DLG2: variants seen among roughly 807,000 people sequenced by gnomAD.
The protein encoded by DLG2 is disks large homolog 2.
In DLG2, 45 loss-of-function variants were observed where a neutral mutation model predicts 132.5. That is an observed-to-expected ratio of 0.34 (90% CI 0.27 to 0.44). The LOEUF (loss-of-function observed/expected upper bound fraction) is 0.44. DLG2 is among the 20% of genes least tolerant of loss of function. DLG2 has a pLI of 1.00. For synonymous variants in DLG2, 424 were observed against 419.6 expected, an observed-to-expected ratio of 1.01 and a Z score of -0.13; for missense variants, 1,045 against 1,196.9, an observed-to-expected ratio of 0.87 and a Z score of 1.87.
chr11:84,059,497 A>G lies in DLG2; in HGVS notation c.750-13T>C, dbSNP rs1264452782. The G allele has an allele frequency of 2.6e-6, 4 of 1,549,486 alleles. No homozygotes were observed. In the Admixed American group the frequency reaches 5.9e-5, roughly 23 times the overall value. On this transcript the variant is annotated splice_polypyrimidine_tract_variant and intron_variant, in intron 10 of 27. Transcript: ENST00000376104. ...ACAATCATTGACCCTGCAAGGAAGGAAAAGAGTCAAGATTCAGAAGTGGCT... is the reference window on the plus strand; with the variant it reads ...ACAATCATTGACCCTGCAAGGAAGGGAAAGAGTCAAGATTCAGAAGTGGCT...
chr11:84,743,620 A>C (rs1228359405), intron 6 of DLG2, among the ~76,000 whole-genome samples: 1 of 152,216 alleles, frequency 6.6e-6, no homozygotes, highest in Non-Finnish European at 1.5e-5. Context: ...AAGAGTTGAC[A>C]GTTAATATAT....
chr11:85,004,191 T>C (rs993297546), intron 6 of DLG2, among the ~76,000 whole-genome samples: 1 of 152,200 alleles, frequency 6.6e-6, no homozygotes, highest in African/African-American at 2.4e-5. Flanking sequence ...CATGTGCACG[T>C]GTCTTTATAA....
intron 6 of DLG2, among the ~76,000 whole-genome samples, chr11:84,656,485 G>T (rs1595017077): frequency 6.6e-6 from 1 of 152,140 alleles, no homozygotes; most frequent in East Asian, 1.9e-4. Flanking sequence ...TAGTGGAAGA[G>T]AAATATAAGT....
At chr11:85,468,999 T>C (rs1416497255) in intron 3 of DLG2, among the ~76,000 whole-genome samples, 2 of 152,208 alleles carry the variant, frequency 1.3e-5, no homozygotes, top group Admixed American at 6.5e-5. Flanking sequence ...GGTTTCACTC[T>C]TTCCTTTATT....
intron 17 of DLG2, among the ~76,000 whole-genome samples, chr11:83,823,975 A>G (rs1385848130): frequency 1.3e-5 from 2 of 152,212 alleles, no homozygotes; most frequent in Non-Finnish European, 2.9e-5. Flanking sequence ...GCATCGCAGA[A>G]AGAGCATAGC....
At chr11:84,541,681 G>T (rs1452504652) in intron 6 of DLG2, among the ~76,000 whole-genome samples, 2 of 152,102 alleles carry the variant, frequency 1.3e-5, no homozygotes, top group African/African-American at 4.8e-5. Context: ...CATAAAAAGA[G>T]ATCAGTAAAT....
At chr11:85,098,387 CTT>C (rs1203068535) in intron 6 of DLG2, among the ~76,000 whole-genome samples, 2 of 152,104 alleles carry the variant, frequency 1.3e-5, no homozygotes, top group African/African-American at 4.8e-5. Flanking sequence ...AGATGAGATT[CTT>C]TTTTTGGTTT....
At chr11:83,933,222 C>T (rs553727337) in intron 14 of DLG2, among the ~76,000 whole-genome samples, 1 of 152,174 alleles carries the variant, frequency 6.6e-6, no homozygotes, top group African/African-American at 2.4e-5. Context: ...CTTTTGGCAG[C>T]GTGAATCAGC....
intron 4 of DLG2, among the ~76,000 whole-genome samples, chr11:85,154,928 G>T (rs563853452): frequency 6.6e-6 from 1 of 152,316 alleles, no homozygotes; most frequent in South Asian, 2.1e-4. Flanking sequence ...GTAAATGGAT[G>T]ATCTGGTTAA....
chr11:84,437,400 C>A (rs1405286746), intron 7 of DLG2: 1 of 152,156 alleles, frequency 6.6e-6, no homozygotes, highest in Non-Finnish European at 1.5e-5. Context: ...TCTCTGATTT[C>A]GCCTTCCTGG....
intron 10 of DLG2, among the ~76,000 whole-genome samples, chr11:84,098,544 A>G (rs968535050): frequency 1.3e-5 from 2 of 152,176 alleles, no homozygotes; most frequent in Admixed American, 1.3e-4. Flanking sequence ...GAATACATAC[A>G]ATATCTACAA....
intron 6 of DLG2, among the ~76,000 whole-genome samples, chr11:84,995,323 G>A (rs981861646): frequency 3.3e-5 from 5 of 152,138 alleles, no homozygotes; most frequent in African/African-American, 7.2e-5. Context: ...TAGAATCCCA[G>A]CTCCACCACT....
chr11:84,354,155 A>G (rs2098597575), intron 7 of DLG2, among the ~76,000 whole-genome samples: 2 of 152,156 alleles, frequency 1.3e-5, no homozygotes, highest in African/African-American at 4.8e-5. Context: ...TTAAGTAAAT[A>G]TTTCCTTCTT....
At chr11:85,360,914 TGG>T (rs2084093529) in intron 3 of DLG2, among the ~76,000 whole-genome samples, 1 of 152,122 alleles carries the variant, frequency 6.6e-6, no homozygotes, top group African/African-American at 2.4e-5. Flanking sequence ...ATGACTACAG[TGG>T]TAATAATAGT....
chr11:83,527,771 C>T (rs1035245060), intron 21 of DLG2, among the ~76,000 whole-genome samples: 1 of 152,140 alleles, frequency 6.6e-6, no homozygotes, highest in Non-Finnish European at 1.5e-5. Flanking sequence ...ATAGCTCTCT[C>T]ATACTCTCTC....
chr11:84,638,768 T>C (rs1011324310), intron 6 of DLG2, among the ~76,000 whole-genome samples: 2 of 152,154 alleles, frequency 1.3e-5, no homozygotes, highest in Non-Finnish European at 2.9e-5. Context: ...TCAGAAATTA[T>C]TAGTTTGATT....
chr11:84,313,661 G>GA (rs2098323493), intron 7 of DLG2, among the ~76,000 whole-genome samples: 1 of 150,506 alleles, frequency 6.6e-6, no homozygotes, highest in East Asian at 1.9e-4. Flanking sequence ...AAGAAAGAAA[G>GA]AAAGAAAGAA....
intron 12 of DLG2, among the ~76,000 whole-genome samples, chr11:83,975,465 A>G (rs948659522): frequency 2.0e-5 from 3 of 152,068 alleles, no homozygotes; most frequent in South Asian, 2.1e-4. Flanking sequence ...GACCCATTAA[A>G]CATCAGAGTG....
At chr11:84,644,646 C>A (rs1403084397) in intron 6 of DLG2, among the ~76,000 whole-genome samples, 1 of 148,816 alleles carries the variant, frequency 6.7e-6, no homozygotes, top group Non-Finnish European at 1.5e-5. Flanking sequence ...GCGCAGCTTG[C>A]AGTGAGCTGA....
Sources: allele counts gnomAD v4.1 joint callset (sites outside exome capture counted in the v4.1 genomes callset), GRCh38; gene constraint gnomAD v4.1.1; transcripts MANE v1.5; gene names NCBI Gene and HGNC (gene_info 2026-07-23, HGNC 2026-07-21).